DACH2: variants seen among roughly 807,000 people sequenced by gnomAD.
DACH2 encodes the protein dachshund homolog 2.
Under a neutral mutation model 35.8 loss-of-function variants are expected in DACH2, and 17 were observed. That is an observed-to-expected ratio of 0.48 (90% CI 0.33 to 0.71). DACH2 has a LOEUF of 0.71. Ranked by LOEUF, DACH2 falls within the 30% of genes least tolerant of loss-of-function variation. The probability of loss-of-function intolerance (pLI) is 0.02; values close to 1 mark genes in which losing one functional copy is unlikely to be tolerated. For missense variants in DACH2, 469 were observed against 472.7 expected (o/e 0.99, Z 0.07); for synonymous variants, 195 against 177.3 (o/e 1.10, Z -0.79).
intron 2 of DACH2, among the ~76,000 whole-genome samples, chrX:86,398,984 G>C (rs999008631): frequency 1.3e-4 from 15 of 111,281 alleles, no homozygotes; most frequent in Non-Finnish European, 2.1e-4. Context: ...TGACAGTGGG[G>C]TGTTAAAGTC....
intron 2 of DACH2, among the ~76,000 whole-genome samples, chrX:86,386,023 A>G (rs2036117415): frequency 8.9e-6 from 1 of 112,060 alleles, no homozygotes; most frequent in Admixed American, 9.5e-5. Context: ...ATGAACCAGT[A>G]TTGACACACT....
chrX:86,654,714 A>C (rs976675764), intron 4 of DACH2, among the ~76,000 whole-genome samples: 1 of 111,546 alleles, frequency 9.0e-6, no homozygotes, highest in Non-Finnish European at 1.9e-5. Flanking sequence ...TTTAATTTTT[A>C]CCTAAATCTT....
In DACH2 at chrX:86,590,008, A is replaced by G. The variant is rs1176624598; in HGVS notation, c.641-61028A>G. Among the ~76,000 whole-genome samples, 6 of 111,823 alleles carry G rather than the reference A, an allele frequency of 5.4e-5. No individual in the cohort carries two copies. The Admixed American group carries it at 5.7e-4, about 11-fold the overall frequency. ...GAGAGAACACTTAGGAAACACAGAT[A>G]ATAAATAACTAAAGCAAGCAGTTAC... On this transcript the variant is annotated intron_variant, in intron 3 of 11. Transcript: ENST00000373125.
At chrX:86,780,107 C>A (rs1035897653) in intron 7 of DACH2, among the ~76,000 whole-genome samples, 1 of 107,430 alleles carries the variant, frequency 9.3e-6, no homozygotes, top group Non-Finnish European at 1.9e-5. Flanking sequence ...GAAATGAAAC[C>A]AGTTGACTGA....
chrX:86,760,871 C>T (rs1305859245), intron 7 of DACH2, among the ~76,000 whole-genome samples: 17 of 108,491 alleles, frequency 1.6e-4, no homozygotes, highest in Non-Finnish European at 2.5e-4. Context: ...TTTAAATTTG[C>T]TTTCTTAATG....
At chrX:86,485,353 T>A (rs1446720079) in intron 2 of DACH2, among the ~76,000 whole-genome samples, 1 of 111,094 alleles carries the variant, frequency 9.0e-6, no homozygotes, top group Non-Finnish European at 1.9e-5. Flanking sequence ...AGTAGAATAG[T>A]GATTGCCAGA....
At chrX:86,697,814 C>A (rs1209503742) in intron 5 of DACH2, among the ~76,000 whole-genome samples, 1 of 111,008 alleles carries the variant, frequency 9.0e-6, no homozygotes, top group African/African-American at 3.3e-5. Flanking sequence ...ACATACTTCC[C>A]AAGCTGAAAA....
chrX:86,308,430 A>T (rs762783919), intron 1 of DACH2, among the ~76,000 whole-genome samples: 25 of 112,265 alleles, frequency 2.2e-4, no homozygotes, highest in Non-Finnish European at 4.5e-4. Context: ...TTGGCTAATT[A>T]ATCACAGTAT....
intron 10 of DACH2, 61 bp downstream of exon 10, chrX:86,814,895 AT>A: frequency 1.8e-6 from 2 of 1,083,521 alleles, no homozygotes; most frequent in Non-Finnish European, 2.5e-6. Context: ...TTGAAGAAAA[AT>A]AGAAGAAGGA....
intron 4 of DACH2, among the ~76,000 whole-genome samples, chrX:86,659,902 G>C: frequency 9.1e-6 from 1 of 110,235 alleles, no homozygotes; most frequent in Middle Eastern, 4.7e-3. Context: ...TCCTGAATCT[G>C]TTGCTCTCAT....
At chrX:86,225,939 G>A (rs1419880731) in intron 1 of DACH2, among the ~76,000 whole-genome samples, 2 of 111,313 alleles carry the variant, frequency 1.8e-5, no homozygotes, top group Non-Finnish European at 3.8e-5. Flanking sequence ...TAGCTAGCAG[G>A]TACTAGAACA....
chrX:86,160,216 T>C, intron 1 of DACH2: 2 of 1,180,502 alleles, frequency 1.7e-6, no homozygotes, highest in Non-Finnish European at 2.3e-6. Flanking sequence ...GGGTGGCAGG[T>C]ATTAGGGATA....
At chrX:86,295,092 C>T (rs2034417351) in intron 1 of DACH2, among the ~76,000 whole-genome samples, 1 of 112,666 alleles carries the variant, frequency 8.9e-6, no homozygotes, top group Non-Finnish European at 1.9e-5. Context: ...GCGTAGGACC[C>T]TCCGAGCCAG....
At chrX:86,561,890 T>G (rs2039222563) in intron 3 of DACH2, among the ~76,000 whole-genome samples, 1 of 56,700 alleles carries the variant, frequency 1.8e-5, no homozygotes, top group Non-Finnish European at 3.4e-5. Context: ...CCCTAAAACT[T>G]AAAGTAGAAT....
At chrX:86,246,843 G>A (rs988158642) in intron 1 of DACH2, among the ~76,000 whole-genome samples, 3 of 111,670 alleles carry the variant, frequency 2.7e-5, no homozygotes, top group African/African-American at 9.8e-5. Flanking sequence ...AACCTTGAAT[G>A]TAAACAGGCT....
At chrX:86,783,494 C>G (rs1416414519) in intron 7 of DACH2, among the ~76,000 whole-genome samples, 4 of 111,815 alleles carry the variant, frequency 3.6e-5, no homozygotes, top group African/African-American at 9.7e-5. Flanking sequence ...TTTACAGTAG[C>G]TAAGATTTGT....
intron 4 of DACH2, among the ~76,000 whole-genome samples, chrX:86,693,037 AC>A (rs1379474072): frequency 2.7e-5 from 3 of 112,517 alleles, no homozygotes. Flanking sequence ...ATGTCAATGC[AC>A]CAAACCATAA....
At chrX:86,212,279 C>T (rs888655893) in intron 1 of DACH2, among the ~76,000 whole-genome samples, 1 of 111,433 alleles carries the variant, frequency 9.0e-6, no homozygotes, top group Non-Finnish European at 1.9e-5. Flanking sequence ...TATAAATAGA[C>T]ATTAGATTGC....
At chrX:86,626,002 TC>T (rs1276038783) in intron 3 of DACH2, among the ~76,000 whole-genome samples, 2 of 111,128 alleles carry the variant, frequency 1.8e-5, no homozygotes, top group Non-Finnish European at 3.8e-5. Context: ...TGCCCAACAG[TC>T]CCCCAAAGTC....
Sources: gnomAD v4.1 joint callset for allele counts (sites outside exome capture counted in the v4.1 genomes callset) on GRCh38, gnomAD v4.1.1 for gene constraint, MANE v1.5 for transcripts, NCBI Gene and HGNC (gene_info 2026-07-23, HGNC 2026-07-21) for gene names.